XYLT1: variants seen among roughly 807,000 people sequenced by gnomAD.
XYLT1 encodes xylosyltransferase 1.
XYLT1 carries 36 observed loss-of-function variants against 91.3 expected under a neutral mutation model. The ratio of observed to expected loss-of-function variants is 0.39; its 90% CI spans 0.30 to 0.52. The LOEUF is 0.52. Ranked by LOEUF, XYLT1 falls within the 20% of genes least tolerant of loss-of-function variation. The probability of loss-of-function intolerance (pLI) is 0.68; values close to 1 mark genes in which losing one functional copy is unlikely to be tolerated. For missense variants in XYLT1, 1,242 were observed against 1,284.5 expected (o/e 0.97, Z 0.51); for synonymous variants, 588 against 532.0 (o/e 1.11, Z -1.45).
chr16:17,352,780 A>C (rs2035239954), intron 2 of XYLT1, among the ~76,000 whole-genome samples: 3 of 152,146 alleles, frequency 2.0e-5, no homozygotes, highest in Non-Finnish European at 4.4e-5. Flanking sequence ...GGATGCATTT[A>C]TTAATATCTA....
At chr16:17,384,247 T>TA (rs1355083388) in intron 1 of XYLT1, among the ~76,000 whole-genome samples, 1 of 151,676 alleles carries the variant, frequency 6.6e-6, no homozygotes, top group African/African-American at 2.4e-5. Flanking sequence ...AATGAGCAGG[T>TA]AGGAGTTGAT....
At chr16:17,417,599 T>C (rs1567196073) in intron 1 of XYLT1, among the ~76,000 whole-genome samples, 1 of 152,066 alleles carries the variant, frequency 6.6e-6, no homozygotes. Flanking sequence ...CTCTTCAAAG[T>C]TACAATTTAA....
At chr16:17,416,339 A>G (rs989567315) in intron 1 of XYLT1, among the ~76,000 whole-genome samples, 1 of 152,234 alleles carries the variant, frequency 6.6e-6, no homozygotes, top group South Asian at 2.1e-4. Flanking sequence ...CCACGACCTC[A>G]TTAGTGGAGA....
intron 1 of XYLT1, among the ~76,000 whole-genome samples, chr16:17,378,054 G>A (rs747520787): frequency 6.6e-6 from 1 of 152,144 alleles, no homozygotes; most frequent in African/African-American, 2.4e-5. Context: ...GGTCAAACCT[G>A]TCTACAGTAC....
chr16:17,300,154 GA>G (rs1238891212), intron 2 of XYLT1, among the ~76,000 whole-genome samples: 1 of 152,190 alleles, frequency 6.6e-6, no homozygotes, highest in East Asian at 1.9e-4. Context: ...AGAACATGGT[GA>G]AAACTGACCT....
At position 17,425,376 on chromosome 16, in the gene XYLT1, T is replaced by C. The variant is rs1301080003; in HGVS notation, c.363+45058A>G. On this transcript the variant is annotated intron_variant, in intron 1 of 11. Coordinates refer to ENST00000261381, the MANE Select transcript of XYLT1 (RefSeq NM_022166.4). ...TATTTTAAGAGCCAAGAAACCATTTTTCTTGGACCTACCAATTATATAGGA... is the reference window on the plus strand; with the variant it reads ...TATTTTAAGAGCCAAGAAACCATTTCTCTTGGACCTACCAATTATATAGGA... Among the ~76,000 whole-genome samples the C allele has an allele frequency of 5.9e-5, 9 of 152,204 alleles. No individual in the cohort carries two copies. In the East Asian group the frequency reaches 1.7e-3, roughly 29 times the overall value.
At chr16:17,136,351 G>A (rs8056341) in intron 8 of XYLT1, among the ~76,000 whole-genome samples, 3 of 152,156 alleles carry the variant, frequency 2.0e-5, no homozygotes, top group African/African-American at 4.8e-5. Context: ...CCCCCTGATC[G>A]TAAGTACCCT....
At chr16:17,448,595 T>C (rs1423875995) in intron 1 of XYLT1, among the ~76,000 whole-genome samples, 1 of 149,624 alleles carries the variant, frequency 6.7e-6, no homozygotes, top group Non-Finnish European at 1.5e-5. Flanking sequence ...AGAGGCAGAG[T>C]TGACCAGGCA....
In XYLT1 at chr16:17,416,248, G is replaced by A. The variant is rs151314448; in HGVS notation, c.363+54186C>T. Among the ~76,000 whole-genome samples the A allele has an allele frequency of 1.8e-4, 27 of 152,288 alleles. 1 individual carries two copies. The highest frequency in any genetic ancestry group is 8.8e-5 in the Non-Finnish European group (6 of 68,030). ...AGATAATGCACCCCACATCCCTTCCGGGATAAACTGTGAGACTCCACGGCG... is the reference window on the plus strand; with the variant it reads ...AGATAATGCACCCCACATCCCTTCCAGGATAAACTGTGAGACTCCACGGCG... On this transcript the variant is annotated intron_variant, in intron 1 of 11. Coordinates refer to ENST00000261381, the MANE Select transcript of XYLT1 (RefSeq NM_022166.4).
At chr16:17,320,865 G>C (rs1390520380) in intron 2 of XYLT1, among the ~76,000 whole-genome samples, 2 of 149,252 alleles carry the variant, frequency 1.3e-5, no homozygotes, top group Admixed American at 6.7e-5. Context: ...CTGACTCATA[G>C]AATTGTTTTT....
intron 1 of XYLT1, among the ~76,000 whole-genome samples, chr16:17,407,971 C>A (rs2036055329): frequency 6.6e-6 from 1 of 152,190 alleles, no homozygotes; most frequent in Non-Finnish European, 1.5e-5. Context: ...TCTTGCTTAC[C>A]TGTAATATCT....
At chr16:17,445,015 T>C (rs2036575304) in intron 1 of XYLT1, among the ~76,000 whole-genome samples, 1 of 152,190 alleles carries the variant, frequency 6.6e-6, no homozygotes, top group African/African-American at 2.4e-5. Context: ...CCATTTGTTT[T>C]TTTAGACAGG....
At chr16:17,118,843 C>T (rs1290902116) in intron 10 of XYLT1, among the ~76,000 whole-genome samples, 1 of 152,110 alleles carries the variant, frequency 6.6e-6, no homozygotes, top group Non-Finnish European at 1.5e-5. Context: ...TTTTAGCCAC[C>T]TCAATCAAGG....
chr16:17,470,875 C>A lies in XYLT1; in HGVS notation c.-79G>T. On this transcript the variant is annotated 5_prime_UTR_variant, in exon 1 of 12. Coordinates refer to ENST00000261381, the MANE Select transcript of XYLT1 (RefSeq NM_022166.4). ...GCCCCCGCGCTCCCCGCAGCTCCCG[C>A]GGCCGCCGGCTGCCGCTCGGGCTCC... is the stretch of plus-strand genomic sequence containing the variant. 9.2e-6 allele frequency: 9 copies of A among 978,510 alleles called. No individual in the cohort carries two copies. The highest frequency in any genetic ancestry group is 2.3e-4 in the East Asian group (2 of 8,730). 60.6% of individuals were successfully genotyped at this position (978,510 alleles called of 1,614,324 possible).
intron 2 of XYLT1, among the ~76,000 whole-genome samples, chr16:17,304,848 C>T (rs1445050843): frequency 1.3e-5 from 2 of 152,144 alleles, no homozygotes; most frequent in Admixed American, 1.3e-4. Flanking sequence ...CCCAACTTGG[C>T]ACAGATGAGG....
At chr16:17,137,862 C>T (rs2030802201) in intron 8 of XYLT1, among the ~76,000 whole-genome samples, 2 of 152,182 alleles carry the variant, frequency 1.3e-5, no homozygotes, top group Admixed American at 6.5e-5. Flanking sequence ...ACCAGAGGTG[C>T]TGCTAAGCAT....
rs117017500 is a variant in XYLT1, at chr16:17,429,126, T to C, written c.363+41308A>G. 2.9e-3 allele frequency among the ~76,000 whole-genome samples: 436 copies of C among 152,346 alleles called. 4 individuals are homozygous for C. The highest frequency in any genetic ancestry group is 6.8e-3 in the Middle Eastern group (2 of 294). ...CCTCTGCAGGGGGAAAGGAGCAACA[T>C]ACATCCCCTGAAAGTAATTACCTTC... On this transcript the variant is annotated intron_variant, in intron 1 of 11. Coordinates refer to ENST00000261381, the MANE Select transcript of XYLT1 (RefSeq NM_022166.4).
At chr16:17,368,157 C>T (rs1465086994) in intron 1 of XYLT1, among the ~76,000 whole-genome samples, 1 of 152,144 alleles carries the variant, frequency 6.6e-6, no homozygotes, top group African/African-American at 2.4e-5. Context: ...AAAAAACGAT[C>T]CCAGGAGGTG....
intron 1 of XYLT1, among the ~76,000 whole-genome samples, chr16:17,377,746 CTG>C (rs576813525): frequency 6.6e-6 from 1 of 152,148 alleles, no homozygotes; most frequent in Non-Finnish European, 1.5e-5. Context: ...CACGTGATGC[CTG>C]TGAGTTTCAA....
Sources: allele counts gnomAD v4.1 joint callset (sites outside exome capture counted in the v4.1 genomes callset), GRCh38; gene constraint gnomAD v4.1.1; transcripts MANE v1.5; gene names NCBI Gene and HGNC (gene_info 2026-07-23, HGNC 2026-07-21).